The following BRINP3 variants were observed in gnomAD, a reference collection of about 807,000 sequenced individuals.
The protein encoded by BRINP3 is BMP/retinoic acid inducible neural specific 3.
Under a neutral mutation model 71.0 loss-of-function variants are expected in BRINP3, and 19 were observed. The ratio of observed to expected loss-of-function variants is 0.27; its 90% CI spans 0.19 to 0.39. The LOEUF (loss-of-function observed/expected upper bound fraction) is 0.39. Among genes scored for constraint, BRINP3 ranks in the 10% least tolerant of loss-of-function variants. The probability of loss-of-function intolerance (pLI) is 1.00; values close to 1 mark genes in which losing one functional copy is unlikely to be tolerated. For synonymous variants in BRINP3, 380 were observed against 337.7 expected, an observed-to-expected ratio of 1.13 and a Z score of -1.37; for missense variants, 959 against 940.8, an observed-to-expected ratio of 1.02 and a Z score of -0.25.
chr1:190,339,070 G>T (rs1287130126), intron 2 of BRINP3, among the ~76,000 whole-genome samples: 1 of 151,500 alleles, frequency 6.6e-6, no homozygotes, highest in Non-Finnish European at 1.5e-5. Context: ...TTTTTCTTCA[G>T]CTTTCAGTGC....
At chr1:190,245,086 C>T (rs989790097) in intron 4 of BRINP3, among the ~76,000 whole-genome samples, 2 of 151,824 alleles carry the variant, frequency 1.3e-5, no homozygotes, top group African/African-American at 4.8e-5. Flanking sequence ...ATACTGAGGC[C>T]GTCATATTCT....
chr1:190,205,972 T>A (rs1655458994), intron 6 of BRINP3, among the ~76,000 whole-genome samples: 1 of 151,996 alleles, frequency 6.6e-6, no homozygotes, highest in Non-Finnish European at 1.5e-5. Flanking sequence ...TACAATTAGA[T>A]AATCACCTCG....
chr1:190,359,940 G>GGGTGACAT (rs1669024001), intron 2 of BRINP3, among the ~76,000 whole-genome samples: 1 of 152,012 alleles, frequency 6.6e-6, no homozygotes, highest in South Asian at 2.1e-4. Context: ...ATATGTGTGC[G>GGGTGACAT]GGTGACATAC....
At chr1:190,119,247 T>C (rs1360294990) in intron 7 of BRINP3, among the ~76,000 whole-genome samples, 1 of 149,186 alleles carries the variant, frequency 6.7e-6, no homozygotes, top group African/African-American at 2.5e-5. Context: ...TTTTTCCATC[T>C]GTTTTATTTT....
chr1:190,284,908 AT>A, intron 2 of BRINP3, among the ~76,000 whole-genome samples: 1 of 152,166 alleles, frequency 6.6e-6, no homozygotes, highest in Admixed American at 6.6e-5. Context: ...TTCTCCCCAT[AT>A]TTTCATATAA....
At chr1:190,228,069 T>C (rs1558085843) in intron 5 of BRINP3, among the ~76,000 whole-genome samples, 1 of 152,080 alleles carries the variant, frequency 6.6e-6, no homozygotes, top group East Asian at 1.9e-4. Flanking sequence ...ATAGTGAGAA[T>C]CTGCTAGATA....
chr1:190,164,234 A>C (rs990560689), intron 6 of BRINP3, among the ~76,000 whole-genome samples: 1 of 152,256 alleles, frequency 6.6e-6, no homozygotes, highest in Middle Eastern at 3.4e-3. Context: ...TTTAGAATAT[A>C]TTTTCAAAGA....
At chr1:190,298,787 T>G (rs2102989151) in intron 2 of BRINP3, among the ~76,000 whole-genome samples, 1 of 152,264 alleles carries the variant, frequency 6.6e-6, no homozygotes, top group Non-Finnish European at 1.5e-5. Flanking sequence ...GTGCATTTGG[T>G]TAAAGAGTTC....
intron 2 of BRINP3, among the ~76,000 whole-genome samples, chr1:190,311,125 G>C (rs1665487715): frequency 6.6e-6 from 1 of 151,670 alleles, no homozygotes; most frequent in Non-Finnish European, 1.5e-5. Flanking sequence ...TCTAGCAAGA[G>C]TGCCAATGAA....
At chr1:190,172,308 T>C (rs750679421) in intron 6 of BRINP3, among the ~76,000 whole-genome samples, 44 of 151,586 alleles carry the variant, frequency 2.9e-4, no homozygotes, top group Admixed American at 6.6e-4. Flanking sequence ...ATAAGAGCTA[T>C]TATACTCTTT....
At chr1:190,252,885 A>G (rs1660276425) in intron 4 of BRINP3, among the ~76,000 whole-genome samples, 1 of 151,654 alleles carries the variant, frequency 6.6e-6, no homozygotes, top group Non-Finnish European at 1.5e-5. Flanking sequence ...GCAGCCATTA[A>G]CTCGTCATTT....
intron 1 of BRINP3, among the ~76,000 whole-genome samples, chr1:190,468,181 A>G (rs1375222205): frequency 6.6e-6 from 1 of 151,374 alleles, no homozygotes; most frequent in East Asian, 1.9e-4. Flanking sequence ...ATATATATCT[A>G]AAATATAGGA....
chr1:190,301,852 T>A (rs1304921316), intron 2 of BRINP3, among the ~76,000 whole-genome samples: 2 of 152,036 alleles, frequency 1.3e-5, no homozygotes, highest in Admixed American at 6.6e-5. Flanking sequence ...TCATAAATAA[T>A]ATTTAAACAG....
At chr1:190,369,856 T>C (rs1377522299) in intron 2 of BRINP3, among the ~76,000 whole-genome samples, 1 of 152,098 alleles carries the variant, frequency 6.6e-6, no homozygotes, top group African/African-American at 2.4e-5. Context: ...TAAAATAATG[T>C]TTAAACTAAT....
intron 2 of BRINP3, among the ~76,000 whole-genome samples, chr1:190,390,210 A>G (rs1671167036): frequency 6.6e-6 from 1 of 151,694 alleles, no homozygotes; most frequent in Non-Finnish European, 1.5e-5. Flanking sequence ...TCATCATATA[A>G]AAAAGGAAAG....
At chr1:190,414,319 G>A (rs1672875694) in intron 2 of BRINP3, among the ~76,000 whole-genome samples, 1 of 151,742 alleles carries the variant, frequency 6.6e-6, no homozygotes, top group African/African-American at 2.4e-5. Flanking sequence ...TAATATTTGA[G>A]GTTGAATAAA....
At chr1:190,358,975 C>CA (rs1329222461) in intron 2 of BRINP3, among the ~76,000 whole-genome samples, 1 of 151,684 alleles carries the variant, frequency 6.6e-6, no homozygotes, top group African/African-American at 2.4e-5. Context: ...AACACTTGGA[C>CA]ACAGGAAGGG....
At position 190,189,037 on chromosome 1, in the gene BRINP3, G is replaced by C. The variant is rs531311817; in HGVS notation, c.962-28147C>G. On this transcript the variant is annotated intron_variant, in intron 6 of 7. Transcript: ENST00000367462. ...GACCTCCCAAAGTGCTGGGATTACAGGCGTGAGCTGGTATCTTGTTGAGAA... is the reference window on the plus strand; with the variant it reads ...GACCTCCCAAAGTGCTGGGATTACACGCGTGAGCTGGTATCTTGTTGAGAA... Among the ~76,000 whole-genome samples, 67 of 152,214 alleles carry C rather than the reference G, an allele frequency of 4.4e-4. 1 individual carries two copies. In the South Asian group the frequency reaches 0.014, roughly 31 times the overall value.
intron 6 of BRINP3, among the ~76,000 whole-genome samples, chr1:190,203,484 T>C (rs1435151571): frequency 6.7e-6 from 1 of 149,686 alleles, no homozygotes; most frequent in East Asian, 2.0e-4. Context: ...TGTGTGTATA[T>C]ATATATATAC....
Sources: allele counts gnomAD v4.1 joint callset (sites outside exome capture counted in the v4.1 genomes callset), GRCh38; gene constraint gnomAD v4.1.1; transcripts MANE v1.5; gene names NCBI Gene and HGNC (gene_info 2026-07-23, HGNC 2026-07-21).